The following DAB2IP variants were observed in gnomAD, a reference collection of about 807,000 sequenced individuals.
DAB2IP encodes DAB2 interacting protein.
In DAB2IP, 28 loss-of-function variants were observed where a neutral mutation model predicts 107.2. The ratio of observed to expected loss-of-function variants is 0.26; its 90% CI spans 0.19 to 0.36. The LOEUF is 0.36. Ranked by LOEUF, DAB2IP falls within the 10% of genes least tolerant of loss-of-function variation. The probability of loss-of-function intolerance (pLI) is 1.00; values close to 1 mark genes in which losing one functional copy is unlikely to be tolerated. For synonymous variants in DAB2IP, 755 were observed against 706.4 expected (o/e 1.07, Z -1.09); for missense variants, 1,400 against 1,644.7 (o/e 0.85, Z 2.57).
chr9:121,630,270 A>T (rs1831824991), intron 1 of DAB2IP, among the ~76,000 whole-genome samples: 1 of 152,226 alleles, frequency 6.6e-6, no homozygotes, highest in African/African-American at 2.4e-5. Context: ...TTGCTATAGC[A>T]TTAAAAATAT....
At chr9:121,770,457 A>G (rs966699254) in intron 10 of DAB2IP, 89 bp from the exon 11 acceptor site, 3 of 1,443,410 alleles carry the variant, frequency 2.1e-6, no homozygotes, top group Non-Finnish European at 2.8e-6. Context: ...CAGGCTCCGC[A>G]GTGGTTTTGA....
intron 2 of DAB2IP, among the ~76,000 whole-genome samples, chr9:121,681,750 G>C (rs562761087): frequency 1.3e-5 from 2 of 152,284 alleles, no homozygotes; most frequent in African/African-American, 4.8e-5. Context: ...TCTGGGCTGG[G>C]TGCTGGGAGC....
At chr9:121,777,129 C>T (rs1835258894) in intron 14 of DAB2IP, among the ~76,000 whole-genome samples, 1 of 152,148 alleles carries the variant, frequency 6.6e-6, no homozygotes, top group Non-Finnish European at 1.5e-5. Context: ...ACCCCAGGGT[C>T]CCAGTCGTGG....
chr9:121,634,994 A>C lies in DAB2IP; in HGVS notation c.41-43684A>C, dbSNP rs1589433818. ...GGGGCCCTGTGTGCCAGTGCGGCCC[A>C]CCCAGCCTCAGACCTGTGTATATGT... On this transcript the variant is annotated intron_variant, in intron 1 of 16. Coordinates refer to the DAB2IP transcript ENST00000259371. The surrounding 1 kb of genome is among the most constrained non-coding windows in gnomAD (Gnocchi z 4.7). Among the ~76,000 whole-genome samples the C allele has an allele frequency of 1.3e-5, 2 of 152,032 alleles. No individual in the cohort carries two copies. Among genetic ancestry groups the C allele is most frequent in the Admixed American group, 6.6e-5 (1 of 15,258 alleles).
intron 1 of DAB2IP, among the ~76,000 whole-genome samples, chr9:121,626,177 T>C (rs1365747960): frequency 6.6e-6 from 1 of 152,012 alleles, no homozygotes; most frequent in African/African-American, 2.4e-5. Context: ...GTTAATGTGT[T>C]CAGAGGAGGG....
intron 1 of DAB2IP, chr9:121,575,966 G>T (rs1830046775): frequency 6.6e-6 from 1 of 152,216 alleles, no homozygotes; most frequent in Admixed American, 6.5e-5. Context: ...GAAGATGGAG[G>T]TCAGAGAAGA....
At chr9:121,618,975 C>T (rs1831368188) in intron 1 of DAB2IP, among the ~76,000 whole-genome samples, 1 of 152,066 alleles carries the variant, frequency 6.6e-6, no homozygotes, top group Non-Finnish European at 1.5e-5. Flanking sequence ...CAAGATTTCC[C>T]CAAAGCTTAA....
At chr9:121,616,982 G>A (rs553024506) in intron 1 of DAB2IP, among the ~76,000 whole-genome samples, 1 of 152,198 alleles carries the variant, frequency 6.6e-6, no homozygotes, top group Non-Finnish European at 1.5e-5. Flanking sequence ...CATGAAGGGT[G>A]GACCTCAGGG....
rs913476608 is a variant in DAB2IP, at chr9:121,773,624, G to C, written c.2967+129G>C. 5.9e-6 allele frequency: 7 copies of C among 1,190,294 alleles called. No individual in the cohort carries two copies. The African/African-American group carries it at 6.3e-5, about 11-fold the overall frequency. The allele number at this position is 1,190,294 out of a possible 1,614,324, so 73.7% of individuals were successfully genotyped here. A position where few individuals can be genotyped will look rare whatever the true frequency, so the allele number is the denominator to read the frequency against. ...ACCCAGCTGCCATCCCATCCCACCA[G>C]CCTGCCACATGCGCCACCACCCCCT... On this transcript the variant is annotated intron_variant, in intron 12 of 15. Coordinates refer to ENST00000408936, the Ensembl canonical transcript of DAB2IP.
At chr9:121,654,229 G>A (rs759935538) in intron 1 of DAB2IP, among the ~76,000 whole-genome samples, 4 of 151,122 alleles carry the variant, frequency 2.6e-5, no homozygotes, top group African/African-American at 9.7e-5. Context: ...AACGGCTTGG[G>A]TATTGAGAAT....
At chr9:121,725,748 C>T (rs1831208688) in intron 3 of DAB2IP, among the ~76,000 whole-genome samples, 1 of 152,046 alleles carries the variant, frequency 6.6e-6, no homozygotes, top group Non-Finnish European at 1.5e-5. Flanking sequence ...TTTGGGCATG[C>T]CAGGTAGTTG....
chr9:121,672,405 G>A (rs771059615), intron 1 of DAB2IP, among the ~76,000 whole-genome samples: 4 of 152,248 alleles, frequency 2.6e-5, no homozygotes, highest in Admixed American at 1.3e-4. Context: ...TCCTCAGGCC[G>A]CCGTGTTTCC....
At chr9:121,584,560 AG>A (rs1486611818) in intron 1 of DAB2IP, among the ~76,000 whole-genome samples, 1 of 152,200 alleles carries the variant, frequency 6.6e-6, no homozygotes, top group Non-Finnish European at 1.5e-5. Flanking sequence ...AGGGTGACAG[AG>A]CTACCTCTAG....
intron 3 of DAB2IP, among the ~76,000 whole-genome samples, chr9:121,719,875 G>T (rs73664513): frequency 0.013 from 2,054 of 152,312 alleles, 56 homozygotes; most frequent in African/African-American, 0.048. Flanking sequence ...TTTGGGATGG[G>T]GTGGCAGCTC....
At chr9:121,610,999 CAG>C (rs2118975203) in intron 1 of DAB2IP, among the ~76,000 whole-genome samples, 1 of 152,210 alleles carries the variant, frequency 6.6e-6, no homozygotes, top group East Asian at 1.9e-4. Flanking sequence ...GTTTTTGAGA[CAG>C]AGTCTCACTC....
intron 2 of DAB2IP, 48 bp downstream of exon 2, chr9:121,678,829 A>C: frequency 1.3e-6 from 2 of 1,487,694 alleles, no homozygotes; most frequent in Non-Finnish European, 9.0e-7. Context: ...CACCATCACC[A>C]CCTCGCCCGG....
At chr9:121,622,662 G>T (rs1831515128) in intron 1 of DAB2IP, among the ~76,000 whole-genome samples, 2 of 152,182 alleles carry the variant, frequency 1.3e-5, no homozygotes, top group Admixed American at 1.3e-4. Context: ...TTGAGCAATG[G>T]TGTGGGTGAA....
intron 2 of DAB2IP, among the ~76,000 whole-genome samples, chr9:121,688,624 C>G (rs186274122): frequency 4.5e-4 from 69 of 152,310 alleles, no homozygotes; most frequent in African/African-American, 1.6e-3. Flanking sequence ...CGCTCCCTCA[C>G]GGACTCTGTG....
intron 2 of DAB2IP, among the ~76,000 whole-genome samples, chr9:121,691,811 C>G (rs1829178836): frequency 6.6e-6 from 1 of 152,100 alleles, no homozygotes; most frequent in Non-Finnish European, 1.5e-5. Context: ...ATTGAATTAC[C>G]CTTAGGACCT....
Sources: gnomAD v4.1 joint callset for allele counts (sites outside exome capture counted in the v4.1 genomes callset) on GRCh38, gnomAD v4.1.1 for gene constraint, Gnocchi (gnomAD v3.1) non-coding constraint, MANE v1.5 for transcripts, NCBI Gene and HGNC (gene_info 2026-07-23, HGNC 2026-07-21) for gene names.